Variants in AMN1 observed in about 807,000 individuals in gnomAD.
AMN1 encodes antagonist of mitotic exit network 1 homolog.
In AMN1, 20 loss-of-function variants were observed where a neutral mutation model predicts 33.0. That is an observed-to-expected ratio of 0.61 (90% CI 0.43 to 0.88). The LOEUF (loss-of-function observed/expected upper bound fraction) is 0.88. Ranked by LOEUF, AMN1 falls within the 40% of genes least tolerant of loss-of-function variation. The pLI, the probability that AMN1 is intolerant of heterozygous loss-of-function variation, is 0.00. For synonymous variants in AMN1, 114 were observed against 111.9 expected, an observed-to-expected ratio of 1.02 and a Z score of -0.12; for missense variants, 246 against 307.4, an observed-to-expected ratio of 0.80 and a Z score of 1.49.
intron 1 of AMN1, among the ~76,000 whole-genome samples, chr12:31,725,545 ATGTAAG>A (rs1940029399): frequency 6.6e-6 from 1 of 152,198 alleles, no homozygotes; most frequent in African/African-American, 2.4e-5. Flanking sequence ...ACTGCTTCTA[ATGTAAG>A]TGTTACATAA....
intron 2 of AMN1, among the ~76,000 whole-genome samples, chr12:31,705,075 A>T (rs1011341312): frequency 1.3e-5 from 2 of 152,208 alleles, no homozygotes; most frequent in African/African-American, 4.8e-5. Context: ...TAAGGTATCT[A>T]TGTTCAAATG....
chr12:31,714,573 C>T (rs12818452), intron 1 of AMN1: 68,319 of 152,134 alleles, frequency 0.45, 16,742 homozygotes, highest in Middle Eastern at 0.57. Context: ...AGTGAGCCTC[C>T]CACCTTGGCC....
intron 2 of AMN1, among the ~76,000 whole-genome samples, chr12:31,706,343 T>A (rs1939239669): frequency 1.3e-5 from 2 of 148,910 alleles, no homozygotes; most frequent in African/African-American, 2.5e-5. Flanking sequence ...AAAATCTGCC[T>A]TTCTTTACCT....
Position 31,697,764 on chromosome 12 carries a change from C to T in AMN1, c.510G>A (p.Gln170=). ...CCTGAGTAGCTGAAAAGTCGACACA[C>T]TGCAAAAATGGGCAGTTTTTTCCTA... ...HALGKNCPFL[Q]CVDFSATQVS... The change falls in exon 4 of 7, where the codon CAG becomes CAA. Residue 170 remains glutamine (Q), a synonymous_variant. Transcript: ENST00000281471. 1 of 1,613,966 alleles carries T rather than the reference C, an allele frequency of 6.2e-7. No individual in the cohort carries two copies.
chr12:31,708,165 T>G (rs1386615894), intron 2 of AMN1, among the ~76,000 whole-genome samples: 1 of 152,174 alleles, frequency 6.6e-6, no homozygotes, highest in Non-Finnish European at 1.5e-5. Context: ...AAGAGCCATA[T>G]TTTTCTTCTT....
intron 2 of AMN1, among the ~76,000 whole-genome samples, chr12:31,702,887 C>T (rs1292989760): frequency 6.6e-6 from 1 of 152,180 alleles, no homozygotes; most frequent in African/African-American, 2.4e-5. Flanking sequence ...CAGGCATGCA[C>T]CACCACGCCT....
chr12:31,706,396 T>C (rs1939242263), intron 2 of AMN1, among the ~76,000 whole-genome samples: 1 of 151,160 alleles, frequency 6.6e-6, no homozygotes, highest in Non-Finnish European at 1.5e-5. Flanking sequence ...CCCACCAGCC[T>C]GGATAGATGC....
Position 31,672,208 on chromosome 12 carries a change from G to A in AMN1, c.*96C>T, listed in dbSNP as rs1592141891. The A allele has an allele frequency of 1.3e-6, 1 of 784,444 alleles. No individual in the cohort carries two copies. The highest frequency in any genetic ancestry group is 1.6e-5 in the South Asian group (1 of 61,532). The allele number at this position is 784,444 out of a possible 1,614,324, so 48.6% of individuals were successfully genotyped here. A position where few individuals can be genotyped will look rare whatever the true frequency, so the allele number is the denominator to read the frequency against. The stretch of plus-strand genomic sequence containing the variant: ...TAAGACAATAAAATAATTAAAAATA[G>A]TGTTAACATTAAGTAGAATGCAAAT... On this transcript the variant is annotated 3_prime_UTR_variant, in exon 7 of 7. Coordinates refer to ENST00000281471, the MANE Select transcript of AMN1 (RefSeq NM_001113402.2).
rs759914221 is a variant in AMN1, at chr12:31,697,410, T to A, written c.542A>T (p.Asp181Val). The A allele has an allele frequency of 1.4e-5, 23 of 1,613,112 alleles. No homozygotes were observed. Among genetic ancestry groups the A allele is most frequent in the Non-Finnish European group, 2.0e-5 (23 of 1,179,480 alleles). ...CVDFSATQVS[D>V]SGVIALVSGP... ...ACTAACAAGTGCAATCACACCACTG[T>A]CAGATACCTAAGCAAAGGGAAAAAG... The change falls in exon 5 of 7, where the codon GAC becomes GTC. Residue 181 changes from aspartate to valine, a missense_variant. Transcript: ENST00000281471.
At chr12:31,723,134 G>A (rs1305378543) in intron 1 of AMN1, among the ~76,000 whole-genome samples, 1 of 151,882 alleles carries the variant, frequency 6.6e-6, no homozygotes, top group Non-Finnish European at 1.5e-5. Flanking sequence ...CTCCAGCCTG[G>A]GCAACAGAGT....
chr12:31,692,416 C>T (rs1319985816), intron 5 of AMN1, among the ~76,000 whole-genome samples: 5 of 147,820 alleles, frequency 3.4e-5, no homozygotes, highest in African/African-American at 1.0e-4. Flanking sequence ...GAGATCACTG[C>T]ATACCAGCCT....
At chr12:31,673,459 G>A (rs1951323226) in intron 6 of AMN1, 1 of 181,038 alleles carries the variant, frequency 5.5e-6, no homozygotes, top group Admixed American at 6.0e-5. Flanking sequence ...TTTTATTCAT[G>A]GTCATAAAAA....
intron 1 of AMN1, among the ~76,000 whole-genome samples, chr12:31,716,798 CT>C (rs1400823532): frequency 6.6e-6 from 1 of 152,156 alleles, no homozygotes; most frequent in Non-Finnish European, 1.5e-5. Flanking sequence ...TGCCTTTCCA[CT>C]TTCTTAATCA....
intron 6 of AMN1, chr12:31,672,910 T>A (rs901820840): frequency 6.5e-6 from 1 of 154,088 alleles, no homozygotes; most frequent in Non-Finnish European, 1.4e-5. Flanking sequence ...TGAACATTTT[T>A]CCATGTCTGT....
At chr12:31,693,728 G>A (rs987203534) in intron 5 of AMN1, among the ~76,000 whole-genome samples, 3 of 151,880 alleles carry the variant, frequency 2.0e-5, no homozygotes, top group South Asian at 2.1e-4. Flanking sequence ...TTTTAGTAGA[G>A]ACGGGGTTTC....
intron 1 of AMN1, among the ~76,000 whole-genome samples, chr12:31,711,136 T>C (rs986032162): frequency 4.6e-5 from 7 of 152,110 alleles, no homozygotes; most frequent in African/African-American, 1.7e-4. Context: ...TCCAAACTCC[T>C]CACTTGGGAT....
At chr12:31,695,754 T>C (rs1938695981) in intron 5 of AMN1, among the ~76,000 whole-genome samples, 1 of 151,826 alleles carries the variant, frequency 6.6e-6, no homozygotes, top group African/African-American at 2.4e-5. Context: ...CCCAAAGTGC[T>C]GGGATTATAG....
chr12:31,689,612 T>C (rs1938414527), intron 5 of AMN1, among the ~76,000 whole-genome samples: 3 of 152,158 alleles, frequency 2.0e-5, no homozygotes, highest in Admixed American at 6.6e-5. Flanking sequence ...TAAACATGTA[T>C]TTGCTATATG....
chr12:31,726,159 TTC>T (rs1183595466), intron 1 of AMN1, among the ~76,000 whole-genome samples: 9 of 73,140 alleles, frequency 1.2e-4, no homozygotes, highest in Non-Finnish European at 2.4e-4. Context: ...AAAGAGTAAT[TTC>T]TTTTTTTTTT....
Sources: gnomAD v4.1 joint callset for allele counts (sites outside exome capture counted in the v4.1 genomes callset) on GRCh38, gnomAD v4.1.1 for gene constraint, MANE v1.5 for transcripts, NCBI Gene and HGNC (gene_info 2026-07-23, HGNC 2026-07-21) for gene names.